Variants in FBN3 observed in about 807,000 individuals in gnomAD.
FBN3 encodes fibrillin 3, also known as fibrillin-3.
In FBN3, 234 loss-of-function variants were observed where a neutral mutation model predicts 330.1. That is an observed-to-expected ratio of 0.71 (90% CI 0.64 to 0.79). The LOEUF is 0.79. Ranked by LOEUF, FBN3 falls within the 30% of genes least tolerant of loss-of-function variation. The pLI is 0.00. For synonymous variants in FBN3, 1,458 were observed against 1,517.3 expected (o/e 0.96, Z 0.91); for missense variants, 3,606 against 3,886.9 (o/e 0.93, Z 1.92).
intron 14 of FBN3, 56 bp downstream of exon 14, chr19:8,132,928 C>T (rs1193005080): frequency 1.3e-6 from 2 of 1,492,422 alleles, no homozygotes; most frequent in African/African-American, 2.8e-5. Flanking sequence ...CTCGCCGTCC[C>T]TCTGCTTCCC....
intron 48 of FBN3, 107 bp from the exon 49 acceptor site, chr19:8,090,358 G>T (rs1306853689): frequency 1.6e-6 from 2 of 1,275,372 alleles, no homozygotes; most frequent in African/African-American, 3.0e-5. Context: ...TGCTGATCCT[G>T]CCAGTGGCCA....
At position 8,136,236 on chromosome 19, in the gene FBN3, C is replaced by A. The variant is rs1274758902; in HGVS notation, c.1419G>T (p.Arg473=). The A allele has an allele frequency of 1.2e-6, 2 of 1,611,308 alleles. No homozygotes were observed. Among genetic ancestry groups the A allele is most frequent in the Non-Finnish European group, 1.7e-6 (2 of 1,179,258 alleles). ...GCGTGGCCTGGAAGCCCGGGTAGCA[C>A]CGGCAGTGGTAGGTGCCGGGGATGT... ...CVNIPGTYHC[R]CYPGFQATPT... Residue 473 remains arginine (R), a synonymous_variant, in exon 12 of 64, where the codon CGG becomes CGT. Coordinates refer to ENST00000600128, the MANE Select transcript of FBN3 (RefSeq NM_032447.5).
At chr19:8,068,126 C>T (rs11673355) in intron 63 of FBN3, among the ~76,000 whole-genome samples, 91,075 of 151,528 alleles carry the variant, frequency 0.6, 27,813 homozygotes, top group East Asian at 0.77. Flanking sequence ...GTGGCTCACA[C>T]CTGTAATCCC....
chr19:8,073,418 T>G, intron 61 of FBN3, 121 bp from the exon 62 acceptor site: 1 of 776,244 alleles, frequency 1.3e-6, no homozygotes, highest in Non-Finnish European at 2.1e-6. Context: ...TGCCAAACTC[T>G]TCAGCAAGCT....
chr19:8,091,385 C>T lies in FBN3; in HGVS notation c.6031+80G>A, dbSNP rs2082090556. 8.4e-6 allele frequency: 13 copies of T among 1,550,772 alleles called. No homozygotes were observed. In the South Asian group the frequency reaches 1.2e-4, roughly 14 times the overall value. Reference sequence around the variant, plus strand: ...AGCTCCCAAAGGGTCACACAAGAAACCACAGCCCTCTTTTCTGGGCAATCT... The same window carrying T: ...AGCTCCCAAAGGGTCACACAAGAAATCACAGCCCTCTTTTCTGGGCAATCT... On this transcript the variant is annotated intron_variant, in intron 48 of 63. Transcript: ENST00000600128.
rs766484751 is a variant in FBN3 at position 8,138,462 on chromosome 19, C to T, written c.968G>A (p.Arg323Lys). Reference sequence around the variant, plus strand: ...AGGGACCGGGCCAGCTGCCCAGCACCTGCCCCTGTCACAGCAGCACTGCCT... The same window carrying T: ...AGGGACCGGGCCAGCTGCCCAGCACTTGCCCCTGTCACAGCAGCACTGCCT... Reference protein sequence around the residue: ...TRRQCCCDRGRCWAAGPVPEL... With the variant: ...TRRQCCCDRGKCWAAGPVPEL... Residue 323 changes from arginine (R) to lysine (K), a missense_variant, in exon 9 of 64, where the codon AGG becomes AAG. By Grantham distance (26) the Arg-to-Lys change is conservative. Transcript: ENST00000600128. The T allele has an allele frequency of 4.8e-5, 77 of 1,613,410 alleles. No homozygotes were observed. In the East Asian group the frequency reaches 1.7e-3, roughly 36 times the overall value.
chr19:8,094,621 T>C, intron 46 of FBN3, 56 bp from the exon 47 acceptor site: 2 of 1,569,254 alleles, frequency 1.3e-6, no homozygotes, highest in East Asian at 4.5e-5. Flanking sequence ...GGGGCTCACT[T>C]GGGACTGGGA....
At chr19:8,072,449 G>A (rs766043795) in intron 62 of FBN3, among the ~76,000 whole-genome samples, 26 of 152,196 alleles carry the variant, frequency 1.7e-4, no homozygotes, top group Non-Finnish European at 7.3e-5. Context: ...TGCACAGGCT[G>A]GGATGGATGA....
chr19:8,101,655 C>T (rs1463169503), intron 40 of FBN3, among the ~76,000 whole-genome samples: 7 of 151,750 alleles, frequency 4.6e-5, no homozygotes, highest in African/African-American at 1.2e-4. Context: ...GGACATTTAC[C>T]GACCCCCTCC....
chr19:8,130,635 A>AGGAAGGAAGGAAGG lies in FBN3; in HGVS notation c.2044+599_2044+600insCCTTCCTTCCTTCC, dbSNP rs764420258. On this transcript the variant is annotated intron_variant, in intron 16 of 63. Coordinates refer to ENST00000600128, the MANE Select transcript of FBN3 (RefSeq NM_032447.5). The stretch of plus-strand genomic sequence containing the variant: ...AAGAAAGAAAGAAAGAAAGAAAGAA[A>AGGAAGGAAGGAAGG]GAAAGAAAGGAAAGGAAAGGAAAGG... Among the ~76,000 whole-genome samples, 5 of 4,898 alleles carry AGGAAGGAAGGAAGG rather than the reference A, an allele frequency of 1.0e-3. 1 individual carries two copies. Among genetic ancestry groups the AGGAAGGAAGGAAGG allele is most frequent in the African/African-American group, 2.2e-3 (1 of 462 alleles). 3.2% of individuals were successfully genotyped at this position (4,898 alleles called of 152,430 possible). A position where few individuals can be genotyped will look rare whatever the true frequency, so the allele number is the denominator to read the frequency against.
rs8101644 is a variant in FBN3 at position 8,089,971 on chromosome 19, G to T, written c.6185-12C>A. On this transcript the variant is annotated splice_polypyrimidine_tract_variant and intron_variant, in intron 49 of 63. Coordinates refer to ENST00000600128, the MANE Select transcript of FBN3 (RefSeq NM_032447.5). ...CTCCTGAAAGGCAGCTGGACGGAGA[G>T]GGGGAGGGGAGTCAGAGTCAGGGCC... 3.1e-6 allele frequency: 5 copies of T among 1,609,052 alleles called. No individual in the cohort carries two copies. Among genetic ancestry groups the T allele is most frequent in the Admixed American group, 1.7e-5 (1 of 59,672 alleles).
intron 29 of FBN3, 31 bp downstream of exon 29, chr19:8,116,643 C>T (rs764663952): frequency 1.3e-6 from 2 of 1,584,306 alleles, no homozygotes; most frequent in South Asian, 2.2e-5. Flanking sequence ...GCCTCCTCCA[C>T]CCGCCCCGCC....
Position 8,088,111 on chromosome 19 carries a change from C to T in FBN3, c.6445G>A (p.Glu2149Lys), listed in dbSNP as rs370507520. The T allele has an allele frequency of 8.7e-6, 14 of 1,613,912 alleles. No homozygotes were observed. Among genetic ancestry groups the T allele is most frequent in the South Asian group, 4.4e-5 (4 of 91,066 alleles). ...GTCTNVIGGF[E>K]CACADGFEPG... ...TCAAAGCCGTCAGCACAGGCACATT[C>T]GAAGCCTCCGATGACATTGGTGCAT... Residue 2149 changes from glutamate (E) to lysine (K), a missense_variant, in exon 52 of 64, where the codon GAA (glutamate) becomes AAA (lysine). Glu to Lys is a moderately conservative substitution (Grantham distance 56, BLOSUM62 1). Transcript: ENST00000600128.
chr19:8,069,821 T>C (rs1470908841), intron 63 of FBN3, among the ~76,000 whole-genome samples: 1 of 152,172 alleles, frequency 6.6e-6, no homozygotes, highest in African/African-American at 2.4e-5. Context: ...ATCCTGGCCT[T>C]GACTGGGCAC....
chr19:8,086,068 A>AGGGAACAGGCAGTGGG (rs2081944220), intron 55 of FBN3, 132 bp downstream of exon 55: 4 of 124,638 alleles, frequency 3.2e-5, no homozygotes, highest in Admixed American at 1.3e-4. Context: ...CAGGCAGTGG[A>AGGGAACAGGCAGTGGG]GGGAACAGGC....
At chr19:8,119,705 C>A (rs1003313631) in intron 25 of FBN3, among the ~76,000 whole-genome samples, 3 of 150,614 alleles carry the variant, frequency 2.0e-5, no homozygotes, top group Non-Finnish European at 4.4e-5. Context: ...GTAGAGACAG[C>A]GTTTCACCAT....
At chr19:8,083,017 T>C (rs1348579875) in intron 57 of FBN3, among the ~76,000 whole-genome samples, 4 of 152,220 alleles carry the variant, frequency 2.6e-5, no homozygotes, top group Admixed American at 1.3e-4. Context: ...GCTATGTTGC[T>C]ATGGAACTCC....
chr19:8,138,585 A>G, intron 8 of FBN3, 21 bp from the exon 9 acceptor site: 2 of 1,585,754 alleles, frequency 1.3e-6, no homozygotes, highest in South Asian at 1.1e-5. Context: ...TCAGAGGGTG[A>G]GCCCATGAGC....
In FBN3 at chr19:8,118,919, C is replaced by A. The variant is rs777340540; in HGVS notation, c.3315G>T (p.Thr1105=). 1 of 1,612,700 alleles carries A rather than the reference C, an allele frequency of 6.2e-7. No homozygotes were observed. ...TACCCTCACAGGCAGTGCCCTTGGCCGTCAGCTCATGCCCAGGGGGACACT... is the reference window on the plus strand; with the variant it reads ...TACCCTCACAGGCAGTGCCCTTGGCAGTCAGCTCATGCCCAGGGGGACACT... ...KCQCPPGHEL[T]AKGTACEDID... is the part of the protein sequence containing the mutation. The change falls in exon 26 of 64, where the codon ACG becomes ACT. Residue 1105 remains threonine, a synonymous_variant. Coordinates refer to ENST00000600128, the MANE Select transcript of FBN3 (RefSeq NM_032447.5).
Sources: allele counts gnomAD v4.1 joint callset (sites outside exome capture counted in the v4.1 genomes callset), GRCh38; gene constraint gnomAD v4.1.1; transcripts MANE v1.5; gene names NCBI Gene and HGNC (gene_info 2026-07-23, HGNC 2026-07-21).